CFAP46: variants seen among roughly 807,000 people sequenced by gnomAD.
CFAP46 encodes the protein cilia- and flagella-associated protein 46.
CFAP46 carries 245 observed loss-of-function variants against 325.7 expected under a neutral mutation model. The ratio of observed to expected loss-of-function variants is 0.75; its 90% CI spans 0.68 to 0.84. The LOEUF is 0.84. Ranked by LOEUF, CFAP46 falls within the 40% of genes least tolerant of loss-of-function variation. CFAP46 has a pLI of 0.00. For synonymous variants in CFAP46, 1,523 were observed against 1,495.9 expected, an observed-to-expected ratio of 1.02 and a Z score of -0.42; for missense variants, 3,346 against 3,543.0, an observed-to-expected ratio of 0.94 and a Z score of 1.41.
At chr10:132,859,294 G>A in intron 37 of CFAP46, 47 bp from the exon 38 acceptor site, 2 of 1,499,676 alleles carry the variant, frequency 1.3e-6, no homozygotes, top group South Asian at 1.2e-5. Context: ...CCCCAGGGCC[G>A]CGTCAGGGCT....
chr10:132,880,837 A>G lies in CFAP46; in HGVS notation c.3799+24T>C, dbSNP rs749493763. 7.3e-5 allele frequency: 112 copies of G among 1,539,480 alleles called. 2 individuals are homozygous for G. In the South Asian group the frequency reaches 1.2e-3, roughly 17 times the overall value. On this transcript the variant is annotated intron_variant, in intron 28 of 57. Coordinates refer to ENST00000368586, the MANE Select transcript of CFAP46 (RefSeq NM_001200049.3). ...CTCTGGGGAGCGGCGTGGGGTCGGCACCCTGCCAGCGGCGTGGGCTCACCA... is the reference window on the plus strand; with the variant it reads ...CTCTGGGGAGCGGCGTGGGGTCGGCGCCCTGCCAGCGGCGTGGGCTCACCA...
At chr10:132,822,008 GTGC>G (rs1217662229) in intron 50 of CFAP46, among the ~76,000 whole-genome samples, 4 of 142,600 alleles carry the variant, frequency 2.8e-5, no homozygotes, top group African/African-American at 8.1e-5. Context: ...TGTGCTGTGT[GTGC>G]TGATGTGTGC....
At chr10:132,882,490 C>G (rs1424107172) in intron 27 of CFAP46, among the ~76,000 whole-genome samples, 1 of 151,334 alleles carries the variant, frequency 6.6e-6, no homozygotes, top group Non-Finnish European at 1.5e-5. Context: ...TGCAACATCT[C>G]GAGGGGGAAG....
intron 44 of CFAP46, among the ~76,000 whole-genome samples, chr10:132,845,822 C>T (rs548096863): frequency 2.0e-5 from 3 of 152,290 alleles, no homozygotes; most frequent in South Asian, 2.1e-4. Context: ...GTTGTGACCT[C>T]GCCAACCTCA....
intron 56 of CFAP46, 151 bp downstream of exon 56, chr10:132,810,799 C>T (rs1455073496): frequency 3.1e-5 from 25 of 796,972 alleles, no homozygotes; most frequent in Admixed American, 4.0e-5. Flanking sequence ...AGCCACACCT[C>T]GCCAACTGCT....
chr10:132,814,236 G>A lies in CFAP46; in HGVS notation c.7304C>T (p.Ser2435Phe). Residue 2435 changes from serine to phenylalanine, a missense_variant, in exon 54 of 58, where the codon TCC becomes TTC. By Grantham distance (155) the Ser-to-Phe change is radical. Coordinates refer to ENST00000368586, the MANE Select transcript of CFAP46 (RefSeq NM_001200049.3). Reference sequence around the variant, plus strand: ...TCTTTCCAAAATGTCTTGGGTGATGGAGACAGGAGTTAGCATTTCTGCAAG... The same window carrying A: ...TCTTTCCAAAATGTCTTGGGTGATGAAGACAGGAGTTAGCATTTCTGCAAG... ...AQGPEMLTPV[S>F]ITQDILERFQ... 2 of 1,613,650 alleles carry A rather than the reference G, an allele frequency of 1.2e-6. No homozygotes were observed. Among genetic ancestry groups the A allele is most frequent in the Non-Finnish European group, 1.7e-6 (2 of 1,179,742 alleles).
At chr10:132,845,305 C>T (rs1848415198) in intron 44 of CFAP46, among the ~76,000 whole-genome samples, 1 of 152,220 alleles carries the variant, frequency 6.6e-6, no homozygotes, top group Non-Finnish European at 1.5e-5. Context: ...GTCACCAGTT[C>T]TCAGCCGGGG....
rs1033776974 is a variant in CFAP46 at position 132,869,361 on chromosome 10, G to A, written c.4523C>T (p.Ala1508Val). ...TTCTCTCAGCTTCAGCTCGGAGCAC[G>A]CGTGGGCGAGGCTGTGGGGAGTGTG... is the stretch of plus-strand genomic sequence containing the variant. ...SDLYHLRLAH[A>V]CSELKLREAA... The change falls in exon 33 of 58, where the codon GCG becomes GTG. Residue 1508 changes from alanine (A) to valine (V), a missense_variant. Physicochemically the swap from Ala to Val is moderately conservative, Grantham distance 64. Coordinates refer to ENST00000368586, the MANE Select transcript of CFAP46 (RefSeq NM_001200049.3). This position sits in a 1 kb window ranked among gnomAD's most constrained non-coding sequence, Gnocchi z 6.2. 99 of 1,531,582 alleles carry A rather than the reference G, an allele frequency of 6.5e-5. No homozygotes were observed. Among genetic ancestry groups the A allele is most frequent in the South Asian group, 3.6e-5 (3 of 83,094 alleles). 94.9% of individuals were successfully genotyped at this position (1,531,582 alleles called of 1,614,324 possible).
intron 57 of CFAP46, among the ~76,000 whole-genome samples, chr10:132,809,952 G>A (rs1847544482): frequency 6.6e-6 from 1 of 152,212 alleles, no homozygotes; most frequent in Non-Finnish European, 1.5e-5. Context: ...TTCCTGGGCT[G>A]GGACTCCTGG....
At chr10:132,911,320 G>A (rs13376717) in intron 19 of CFAP46, among the ~76,000 whole-genome samples, 17,437 of 152,302 alleles carry the variant, frequency 0.11, 2,749 homozygotes, top group African/African-American at 0.35. Flanking sequence ...CTGGCCTGGC[G>A]CAGCTGACTG....
intron 50 of CFAP46, among the ~76,000 whole-genome samples, chr10:132,821,850 CTGA>C (rs565408395): frequency 2.6e-4 from 34 of 129,344 alleles, no homozygotes; most frequent in African/African-American, 9.3e-4. Context: ...TGTGTGAGCG[CTGA>C]TGTGTGCTGT....
chr10:132,872,699 G>A lies in CFAP46; in HGVS notation c.4488C>T (p.Gly1496=). ...LISDSVVGSK[G]LSDLYHLRLA... The stretch of plus-strand genomic sequence containing the variant: ...ACCGAAGGTGGTAGAGATCCGACAG[G>A]CCCTTGCTTCCCACCACGGAGTCCG... Residue 1496 remains glycine (G), a synonymous_variant, in exon 32 of 58, where the codon GGC becomes GGT. Transcript: ENST00000368586. 6.4e-7 allele frequency: 1 copy of A among 1,550,654 alleles called. No individual in the cohort carries two copies. Among genetic ancestry groups the A allele is most frequent in the Non-Finnish European group, 8.7e-7 (1 of 1,147,024 alleles).
intron 44 of CFAP46, chr10:132,837,139 G>A: frequency 2.0e-6 from 1 of 506,906 alleles, no homozygotes. Flanking sequence ...GCCCCAAAAT[G>A]TCATTTCTCT....
At chr10:132,820,719 T>C (rs1257381984) in intron 50 of CFAP46, among the ~76,000 whole-genome samples, 1 of 117,918 alleles carries the variant, frequency 8.5e-6, no homozygotes, top group Non-Finnish European at 1.9e-5. Context: ...TGTGCGCTGA[T>C]GTGTGCTGTG....
rs1420634430 is a variant in CFAP46 at position 132,860,988 on chromosome 10, GGAGA to G, written c.4891-10_4891-7del. On this transcript the variant is annotated splice_polypyrimidine_tract_variant and splice_region_variant and intron_variant, in intron 35 of 57. Coordinates refer to ENST00000368586, the MANE Select transcript of CFAP46 (RefSeq NM_001200049.3). ...GCACAAGGCTCATCCAGCTCCTGAA[GGAGA>G]GAAACTCAGACATGCTTGGGTTCCT... The G allele has an allele frequency of 6.4e-7, 1 of 1,550,388 alleles. No individual in the cohort carries two copies. Among genetic ancestry groups the G allele is most frequent in the Non-Finnish European group, 8.7e-7 (1 of 1,147,020 alleles).
In CFAP46 at chr10:132,885,250, C is replaced by T; in HGVS notation, c.3480G>A (p.Lys1160=). 6.5e-7 allele frequency: 1 copy of T among 1,550,106 alleles called. No homozygotes were observed. Among genetic ancestry groups the T allele is most frequent in the Non-Finnish European group, 8.7e-7 (1 of 1,146,730 alleles). The change falls in exon 27 of 58, where the codon AAG becomes AAA. Residue 1160 remains lysine (K), a synonymous_variant. Coordinates refer to ENST00000368586, the MANE Select transcript of CFAP46 (RefSeq NM_001200049.3). ...IFKHMVIVKA[K]LGQNFSMEIQ... ...TTTCCATCGAAAAATTCTGCCCGAG[C>T]TTGGCCTTCACGATGACCATGTGCT...
In CFAP46 at chr10:132,879,738, G is replaced by A. The variant is rs929402777; in HGVS notation, c.3800-107C>T. ...GCTGTGGTGGACTGCCCGGTGCCTC[G>A]CGGACACCCGGTGCTCCACTCTGCT... On this transcript the variant is annotated intron_variant, in intron 28 of 57. Coordinates refer to ENST00000368586, the MANE Select transcript of CFAP46 (RefSeq NM_001200049.3). 102 of 1,152,940 alleles carry A rather than the reference G, an allele frequency of 8.8e-5. No homozygotes were observed. The African/African-American group carries it at 1.2e-3, about 14-fold the overall frequency. The allele number at this position is 1,152,940 out of a possible 1,614,324, so 71.4% of individuals were successfully genotyped here. A position where few individuals can be genotyped will look rare whatever the true frequency, so the allele number is the denominator to read the frequency against.
Position 132,808,407 on chromosome 10 carries a change from G to C in CFAP46, c.*14C>G. ...TCACAGAGACTGGCTTTTGTTGTTT[G>C]TTTAGTGGAACACTCAAATCAAAAA... On this transcript the variant is annotated 3_prime_UTR_variant, in exon 58 of 58. Transcript: ENST00000368586. The surrounding 1 kb of genome is among the most constrained non-coding windows in gnomAD (Gnocchi z 6.8). 1 of 1,593,852 alleles carries C rather than the reference G, an allele frequency of 6.3e-7. No individual in the cohort carries two copies. The highest frequency in any genetic ancestry group is 2.3e-5 in the East Asian group (1 of 44,376).
chr10:132,899,630 T>C lies in CFAP46; in HGVS notation c.2961A>G (p.Thr987=), dbSNP rs1020121645. The C allele has an allele frequency of 6.5e-7, 1 of 1,550,278 alleles. No individual in the cohort carries two copies. Among genetic ancestry groups the C allele is most frequent in the Admixed American group, 2.0e-5 (1 of 50,998 alleles). ...ESRLVAEMLC[T]ATAIQGRSIM... is the part of the protein sequence containing the mutation. ...TGCTCCTGCCCTGGATGGCCGTGGC[T>C]GTGCACAGCATCTCTGCCACCAGCC... is the stretch of plus-strand genomic sequence containing the variant. The change falls in exon 23 of 58, where the codon ACA becomes ACG. Residue 987 remains threonine, a synonymous_variant. Transcript: ENST00000368586.
Sources: gnomAD v4.1 joint callset for allele counts (sites outside exome capture counted in the v4.1 genomes callset) on GRCh38, gnomAD v4.1.1 for gene constraint, Gnocchi (gnomAD v3.1) non-coding constraint, MANE v1.5 for transcripts, NCBI Gene and HGNC (gene_info 2026-07-23, HGNC 2026-07-21) for gene names.